The following FAM13A variants were observed in gnomAD, a reference collection of about 807,000 sequenced individuals.
FAM13A encodes the protein family with sequence similarity 13 member A.
A neutral mutation model predicts 129.6 loss-of-function variants in FAM13A; 76 were observed. That is an observed-to-expected ratio of 0.59 (90% confidence interval 0.49 to 0.71). The LOEUF is 0.71. Among genes scored for constraint, FAM13A ranks in the 30% least tolerant of loss-of-function variants. The probability of loss-of-function intolerance (pLI) is 0.00; values close to 1 mark genes in which losing one functional copy is unlikely to be tolerated. For synonymous variants in FAM13A, 443 were observed against 449.9 expected, an observed-to-expected ratio of 0.98 and a Z score of 0.20; for missense variants, 1,108 against 1,249.3, an observed-to-expected ratio of 0.89 and a Z score of 1.70.
intron 13 of FAM13A, among the ~76,000 whole-genome samples, chr4:88,765,673 C>G (rs985083954): frequency 2.6e-5 from 4 of 152,184 alleles, no homozygotes; most frequent in African/African-American, 4.8e-5. Context: ...AAATTTCCTT[C>G]AGTGAAAGAA....
At chr4:89,023,752 G>T (rs1211705782) in intron 2 of FAM13A, among the ~76,000 whole-genome samples, 1 of 152,300 alleles carries the variant, frequency 6.6e-6, no homozygotes, top group South Asian at 2.1e-4. Context: ...ACTAGGGAAA[G>T]TTTATAATCC....
intron 5 of FAM13A, among the ~76,000 whole-genome samples, chr4:88,916,109 C>T (rs888976988): frequency 1.3e-5 from 2 of 152,040 alleles, no homozygotes; most frequent in African/African-American, 4.8e-5. Flanking sequence ...ATGTGATGCC[C>T]TGTACCACCT....
chr4:88,896,754 A>AAG (rs1424371334), intron 6 of FAM13A, among the ~76,000 whole-genome samples: 3 of 152,232 alleles, frequency 2.0e-5, no homozygotes, highest in Non-Finnish European at 4.4e-5. Context: ...CTGTTTAATA[A>AAG]AAGAAACATC....
intron 7 of FAM13A, among the ~76,000 whole-genome samples, chr4:88,824,587 C>CT (rs1214219716): frequency 2.6e-5 from 4 of 152,166 alleles, no homozygotes; most frequent in Non-Finnish European, 5.9e-5. Context: ...ATTGTCTATA[C>CT]TTTTTTGATT....
chr4:88,949,022 A>G (rs111417747), intron 4 of FAM13A, among the ~76,000 whole-genome samples: 1 of 152,224 alleles, frequency 6.6e-6, no homozygotes, highest in African/African-American at 2.4e-5. Flanking sequence ...AAGCTTCTAG[A>G]CATTCTTTCT....
rs1379744671 is a variant in FAM13A at position 88,731,399 on chromosome 4, A to G, written c.2873T>C (p.Met958Thr). ...TCGAATCCTTTTCTTTTCTTCTCTC[A>G]TTTCCTGGAGGTGTTCCAGGAGTTC... ...IPELLEHLQE[M>T]REEKKRIRKK... Residue 958 changes from methionine to threonine, a missense_variant, in exon 23 of 24, where the codon ATG (methionine) becomes ACG (threonine). By Grantham distance (81) the Met-to-Thr change is moderately conservative. Transcript: ENST00000264344. The G allele has an allele frequency of 1.9e-6, 3 of 1,604,908 alleles. No homozygotes were observed. Among genetic ancestry groups the G allele is most frequent in the East Asian group, 4.5e-5 (2 of 44,868 alleles).
At chr4:88,991,255 T>C (rs1292092230) in intron 3 of FAM13A, 105 bp from the exon 4 acceptor site, 2 of 802,000 alleles carry the variant, frequency 2.5e-6, no homozygotes, top group East Asian at 2.7e-5. Context: ...AAAAAAACTC[T>C]TGAGAGACTG....
At chr4:88,949,060 A>C (rs1756470894) in intron 4 of FAM13A, among the ~76,000 whole-genome samples, 1 of 152,146 alleles carries the variant, frequency 6.6e-6, no homozygotes, top group South Asian at 2.1e-4. Context: ...TTACAAAACT[A>C]ATATTTTTGT....
chr4:89,017,735 T>G (rs1201933688), intron 3 of FAM13A, among the ~76,000 whole-genome samples: 1 of 152,194 alleles, frequency 6.6e-6, no homozygotes, highest in Admixed American at 6.5e-5. Flanking sequence ...TCCCTATGGA[T>G]AAAATATTCC....
chr4:89,024,145 A>G (rs555347864), intron 2 of FAM13A, among the ~76,000 whole-genome samples: 5 of 152,252 alleles, frequency 3.3e-5, no homozygotes, highest in Non-Finnish European at 7.3e-5. Context: ...AATAGTATGA[A>G]TATTAAAAAC....
At chr4:88,818,106 C>T (rs575906171) in intron 7 of FAM13A, among the ~76,000 whole-genome samples, 5 of 152,268 alleles carry the variant, frequency 3.3e-5, no homozygotes, top group African/African-American at 1.2e-4. Flanking sequence ...GCCTCAGCCT[C>T]CCAAGTAGCT....
At chr4:89,044,469 A>C (rs1342218484) in intron 1 of FAM13A, among the ~76,000 whole-genome samples, 2 of 152,226 alleles carry the variant, frequency 1.3e-5, no homozygotes, top group Non-Finnish European at 2.9e-5. Flanking sequence ...ACCCCTGTGC[A>C]TCATCAGTGG....
At chr4:88,815,986 T>TA (rs34238768) in intron 7 of FAM13A, among the ~76,000 whole-genome samples, 195 of 142,704 alleles carry the variant, frequency 1.4e-3, no homozygotes, top group East Asian at 0.011. Flanking sequence ...GTTCTTTTTC[T>TA]AAAAAAAAAA....
At chr4:88,760,603 C>CAAAAAAAAAAAAAAAAAAAAA (rs745711965) in intron 13 of FAM13A, among the ~76,000 whole-genome samples, 1 of 65,840 alleles carries the variant, frequency 1.5e-5, no homozygotes, top group African/African-American at 1.0e-4. Flanking sequence ...GACTCCGTCT[C>CAAAAAAAAAAAAAAAAAAAAA]AAAAAAAAAA....
intron 7 of FAM13A, among the ~76,000 whole-genome samples, chr4:88,819,334 C>T (rs772489138): frequency 6.6e-6 from 1 of 152,216 alleles, no homozygotes; most frequent in Non-Finnish European, 1.5e-5. Flanking sequence ...ATAACTTCAT[C>T]TCATCTGCCA....
At chr4:88,797,431 T>C (rs1307389182) in intron 8 of FAM13A, among the ~76,000 whole-genome samples, 1 of 151,936 alleles carries the variant, frequency 6.6e-6, no homozygotes, top group African/African-American at 2.4e-5. Flanking sequence ...ACCTGGGCAA[T>C]TTATTTATTT....
chr4:88,851,288 C>T (rs1737531463), intron 6 of FAM13A, 105 bp from the exon 7 acceptor site: 1 of 924,428 alleles, frequency 1.1e-6, no homozygotes, highest in Non-Finnish European at 1.6e-6. Flanking sequence ...TGCAATAATC[C>T]AATTTATAAC....
chr4:89,026,662 T>C (rs549281539), intron 2 of FAM13A, among the ~76,000 whole-genome samples: 1 of 152,166 alleles, frequency 6.6e-6, no homozygotes, highest in East Asian at 1.9e-4. Context: ...TATGAAACCA[T>C]CAGATCTCTT....
At chr4:88,769,866 C>T (rs891310599) in intron 11 of FAM13A, among the ~76,000 whole-genome samples, 3 of 151,272 alleles carry the variant, frequency 2.0e-5, no homozygotes, top group Admixed American at 6.6e-5. Flanking sequence ...TAGAATAATG[C>T]CTGGTACATT....
Sources: allele counts gnomAD v4.1 joint callset (sites outside exome capture counted in the v4.1 genomes callset), GRCh38; gene constraint gnomAD v4.1.1; transcripts MANE v1.5; gene names NCBI Gene and HGNC (gene_info 2026-07-23, HGNC 2026-07-21).